Variants in SP4 observed in about 807,000 individuals in gnomAD.
SP4 encodes transcription factor Sp4.
In SP4, 19 loss-of-function variants were observed where a neutral mutation model predicts 72.8. The ratio of observed to expected loss-of-function variants is 0.26; its 90% CI spans 0.18 to 0.38. The LOEUF (loss-of-function observed/expected upper bound fraction) is 0.38, where lower values mean the gene tolerates loss of function less well. SP4 is among the 10% of genes least tolerant of loss of function. The probability of loss-of-function intolerance (pLI) is 1.00; values close to 1 mark genes in which losing one functional copy is unlikely to be tolerated. For missense variants in SP4, 1,008 were observed against 926.3 expected, an observed-to-expected ratio of 1.09 and a Z score of -1.14; for synonymous variants, 395 against 333.1, an observed-to-expected ratio of 1.19 and a Z score of -2.02.
At chr7:21,486,220 T>G (rs1330133326) in intron 5 of SP4, among the ~76,000 whole-genome samples, 1 of 151,916 alleles carries the variant, frequency 6.6e-6, no homozygotes, top group Admixed American at 6.6e-5. Context: ...CCCTGCAGCT[T>G]TATTTTTATT....
At chr7:21,436,754 C>G (rs1783062746) in intron 3 of SP4, among the ~76,000 whole-genome samples, 1 of 152,160 alleles carries the variant, frequency 6.6e-6, no homozygotes, top group African/African-American at 2.4e-5. Context: ...CAAAGGAAAC[C>G]TGTTGAACCA....
At chr7:21,480,602 A>T (rs1424107934) in intron 4 of SP4, among the ~76,000 whole-genome samples, 2 of 152,172 alleles carry the variant, frequency 1.3e-5, no homozygotes, top group African/African-American at 4.8e-5. Flanking sequence ...GATTCTAATA[A>T]TTTGAGTCCT....
At chr7:21,475,973 A>G (rs913471054) in intron 3 of SP4, among the ~76,000 whole-genome samples, 1 of 152,160 alleles carries the variant, frequency 6.6e-6, no homozygotes, top group Non-Finnish European at 1.5e-5. Context: ...AGAAAAGATA[A>G]TTATAAGGCA....
chr7:21,446,630 T>G lies in SP4; in HGVS notation c.1678+15787T>G, dbSNP rs188742962. Among the ~76,000 whole-genome samples the G allele has an allele frequency of 6.1e-3, 924 of 152,328 alleles. 4 individuals carry two copies. The highest frequency in any genetic ancestry group is 0.011 in the Non-Finnish European group (746 of 68,032). On this transcript the variant is annotated intron_variant, in intron 3 of 5. Transcript: ENST00000222584. Reference sequence around the variant, plus strand: ...TAGTGTTAGGATTCTATAGGTACTTTCATTTAGTGTTAGAATTCTATAAAG... The same window carrying G: ...TAGTGTTAGGATTCTATAGGTACTTGCATTTAGTGTTAGAATTCTATAAAG...
chr7:21,489,187 A>G (rs976787848), intron 5 of SP4, among the ~76,000 whole-genome samples: 3 of 152,236 alleles, frequency 2.0e-5, no homozygotes, highest in Non-Finnish European at 1.5e-5. Context: ...CAATAATTAT[A>G]AGCTTAAGTG....
chr7:21,474,828 A>G (rs575915119), intron 3 of SP4, among the ~76,000 whole-genome samples: 2 of 152,328 alleles, frequency 1.3e-5, no homozygotes, highest in African/African-American at 4.8e-5. Context: ...ACAAAAATGT[A>G]AATTTTAGTA....
At chr7:21,497,095 A>G (rs1781728887) in intron 5 of SP4, among the ~76,000 whole-genome samples, 2 of 152,232 alleles carry the variant, frequency 1.3e-5, no homozygotes, top group African/African-American at 4.8e-5. Context: ...TTGGGCATCC[A>G]TGAAGTTAAA....
chr7:21,499,524 A>C (rs985501353), intron 5 of SP4, among the ~76,000 whole-genome samples: 13 of 152,218 alleles, frequency 8.5e-5, no homozygotes, highest in African/African-American at 2.9e-4. Context: ...AAGGATTGCC[A>C]GCAGTCAGCA....
rs560879922 is a variant in SP4 at position 21,483,305 on chromosome 7, C to G, written c.2107+1182C>G. ...TATATGATTTATATGTTATACTTTT[C>G]CCTTTCAATAAAGGACTAGTGCTAG... On this transcript the variant is annotated intron_variant, in intron 5 of 5. Coordinates refer to ENST00000222584, the MANE Select transcript of SP4 (RefSeq NM_003112.5). Among the ~76,000 whole-genome samples, 8 of 151,644 alleles carry G rather than the reference C, an allele frequency of 5.3e-5. No individual in the cohort carries two copies. The South Asian group carries it at 1.5e-3, about 28-fold the overall frequency.
intron 5 of SP4, among the ~76,000 whole-genome samples, chr7:21,489,577 T>G (rs1485470444): frequency 9.0e-6 from 1 of 110,822 alleles, no homozygotes; most frequent in African/African-American, 3.7e-5. Context: ...TTTTTTTTTT[T>G]GAGATGGAGT....
chr7:21,482,089 T>C lies in SP4; in HGVS notation c.2073T>C (p.Ser691=). 1 of 1,613,980 alleles carries C rather than the reference T, an allele frequency of 6.2e-7. No homozygotes were observed. The change falls in exon 5 of 6, where the codon AGT becomes AGC. Residue 691 remains serine (S), a synonymous_variant. Transcript: ENST00000222584. ...TTTGTGGCAAAAGATTCACACGGAG[T>C]GATGAGCTCCAGAGACATAGAAGAA... The part of the protein sequence containing the change: ...WMFCGKRFTR[S]DELQRHRRTH...
chr7:21,439,712 A>T (rs557637137), intron 3 of SP4, among the ~76,000 whole-genome samples: 1 of 152,202 alleles, frequency 6.6e-6, no homozygotes, highest in African/African-American at 2.4e-5. Flanking sequence ...CAACATAGTG[A>T]GACTGTACCT....
chr7:21,432,723 G>A (rs764400782), intron 3 of SP4, among the ~76,000 whole-genome samples: 1 of 152,202 alleles, frequency 6.6e-6, no homozygotes, highest in Non-Finnish European at 1.5e-5. Context: ...GCTGGGTGTG[G>A]TGGCTCATCC....
At chr7:21,501,188 T>C (rs1242515417) in intron 5 of SP4, among the ~76,000 whole-genome samples, 1 of 152,194 alleles carries the variant, frequency 6.6e-6, no homozygotes, top group Admixed American at 6.5e-5. Context: ...CTTTCTTCGC[T>C]TTTATGGGCT....
At chr7:21,458,833 T>G (rs1021194064) in intron 3 of SP4, among the ~76,000 whole-genome samples, 4 of 152,080 alleles carry the variant, frequency 2.6e-5, no homozygotes, top group African/African-American at 9.7e-5. Context: ...GGCCAGTTCA[T>G]TTACACTTGA....
At chr7:21,472,950 T>A (rs1583421269) in intron 3 of SP4, among the ~76,000 whole-genome samples, 1 of 152,094 alleles carries the variant, frequency 6.6e-6, no homozygotes, top group Non-Finnish European at 1.5e-5. Context: ...CACAATAGAT[T>A]TGGTCATTAG....
intron 5 of SP4, among the ~76,000 whole-genome samples, chr7:21,494,271 G>T (rs980589548): frequency 6.6e-6 from 1 of 152,150 alleles, no homozygotes; most frequent in Non-Finnish European, 1.5e-5. Flanking sequence ...CATAGTACTG[G>T]AATTTCTACC....
chr7:21,449,922 G>T (rs999756081), intron 3 of SP4, among the ~76,000 whole-genome samples: 15 of 152,072 alleles, frequency 9.9e-5, no homozygotes, highest in Non-Finnish European at 1.5e-5. Context: ...ATCCCAAGTG[G>T]CAGTGGTTCG....
At chr7:21,501,596 T>C (rs1583447692) in intron 5 of SP4, among the ~76,000 whole-genome samples, 1 of 152,208 alleles carries the variant, frequency 6.6e-6, no homozygotes, top group African/African-American at 2.4e-5. Context: ...GCCACAATTA[T>C]GAGAGATGTA....
Sources: gnomAD v4.1 joint callset for allele counts (sites outside exome capture counted in the v4.1 genomes callset) on GRCh38, gnomAD v4.1.1 for gene constraint, MANE v1.5 for transcripts, NCBI Gene and HGNC (gene_info 2026-07-23, HGNC 2026-07-21) for gene names.